ADAMTSL3: variants seen among roughly 807,000 people sequenced by gnomAD.
The protein encoded by ADAMTSL3 is ADAMTS like 3.
A neutral mutation model predicts 201.7 loss-of-function variants in ADAMTSL3; 128 were observed. That is an observed-to-expected ratio of 0.63 (90% confidence interval 0.55 to 0.73). ADAMTSL3 has a LOEUF of 0.73. Ranked by LOEUF, ADAMTSL3 falls within the 30% of genes least tolerant of loss-of-function variation. ADAMTSL3 has a pLI of 0.00. For missense variants in ADAMTSL3, 1,990 were observed against 2,119.6 expected, an observed-to-expected ratio of 0.94 and a Z score of 1.20; for synonymous variants, 738 against 748.4, an observed-to-expected ratio of 0.99 and a Z score of 0.23.
intron 17 of ADAMTSL3, among the ~76,000 whole-genome samples, chr15:83,934,763 C>T (rs1264430464): frequency 1.3e-5 from 2 of 152,048 alleles, no homozygotes; most frequent in Non-Finnish European, 2.9e-5. Context: ...AATAATTCAT[C>T]CAAAAATACC....
intron 7 of ADAMTSL3, among the ~76,000 whole-genome samples, chr15:83,842,215 A>G (rs111907675): frequency 2.6e-5 from 4 of 151,506 alleles, no homozygotes; most frequent in African/African-American, 9.7e-5. Context: ...CTCTCAGCAG[A>G]TGGATGAGGA....
At chr15:83,839,772 A>G (rs1334150379) in intron 7 of ADAMTSL3, among the ~76,000 whole-genome samples, 1 of 152,060 alleles carries the variant, frequency 6.6e-6, no homozygotes, top group Admixed American at 6.6e-5. Context: ...GAATGGCCCA[A>G]ATTTTCCATC....
intron 9 of ADAMTSL3, among the ~76,000 whole-genome samples, chr15:83,873,475 T>C (rs1431343763): frequency 6.9e-6 from 1 of 144,764 alleles, no homozygotes; most frequent in African/African-American, 2.6e-5. Context: ...AAGTACAGGC[T>C]GCAAGTAATC....
At chr15:83,685,603 A>G (rs2061525372) in intron 2 of ADAMTSL3, among the ~76,000 whole-genome samples, 1 of 152,202 alleles carries the variant, frequency 6.6e-6, no homozygotes. Flanking sequence ...TTTTCGCCCA[A>G]AGGAAAATTA....
chr15:83,970,051 C>T (rs1348506297), intron 19 of ADAMTSL3, among the ~76,000 whole-genome samples: 2 of 152,020 alleles, frequency 1.3e-5, no homozygotes, highest in Non-Finnish European at 2.9e-5. Flanking sequence ...ATGTGTAGTT[C>T]TTTGTATATC....
At chr15:83,736,020 C>T (rs1001654766) in intron 3 of ADAMTSL3, among the ~76,000 whole-genome samples, 3 of 152,084 alleles carry the variant, frequency 2.0e-5, no homozygotes, top group Non-Finnish European at 2.9e-5. Flanking sequence ...GTTGACTAAA[C>T]TTATTATACT....
chr15:83,836,320 C>T (rs939206600), intron 6 of ADAMTSL3, among the ~76,000 whole-genome samples: 1 of 152,136 alleles, frequency 6.6e-6, no homozygotes, highest in Non-Finnish European at 1.5e-5. Context: ...GTAGCTTTCA[C>T]CATTTGGAAA....
At chr15:83,946,666 G>A (rs796806024) in intron 19 of ADAMTSL3, among the ~76,000 whole-genome samples, 3 of 152,310 alleles carry the variant, frequency 2.0e-5, no homozygotes, top group African/African-American at 7.2e-5. Context: ...GTGATCTTTA[G>A]AAGAGCTCAG....
intron 3 of ADAMTSL3, among the ~76,000 whole-genome samples, chr15:83,714,850 T>TTCCCTCCC (rs369793230): frequency 2.0e-5 from 1 of 50,954 alleles, no homozygotes; most frequent in East Asian, 1.2e-3. Flanking sequence ...TTCTCTCTCT[T>TTCCCTCCC]TCCCTCCCTC....
Position 84,036,915 on chromosome 15 carries a change from G to A in ADAMTSL3, c.4897G>A (p.Val1633Met), listed in dbSNP as rs1470027983. The change falls in exon 29 of 30, where the codon GTG becomes ATG. Residue 1633 changes from valine to methionine, a missense_variant. Coordinates refer to ENST00000286744, the MANE Select transcript of ADAMTSL3 (RefSeq NM_207517.3). ...TATCCACACAAGGAGTTGCAAACCT[G>A]TGGCCAAGAGACACTGTGTACAGAA... ...DCIHTRSCKP[V>M]AKRHCVQKKK... The A allele has an allele frequency of 2.5e-6, 4 of 1,614,138 alleles. No individual in the cohort carries two copies. In the South Asian group the frequency reaches 3.3e-5, roughly 13 times the overall value.
At chr15:83,817,220 A>T (rs1187114635) in intron 5 of ADAMTSL3, among the ~76,000 whole-genome samples, 1 of 152,250 alleles carries the variant, frequency 6.6e-6, no homozygotes, top group African/African-American at 2.4e-5. Context: ...AAAGGCCAAA[A>T]GTGTAAACAA....
intron 2 of ADAMTSL3, among the ~76,000 whole-genome samples, chr15:83,666,700 G>A (rs1007126914): frequency 6.6e-6 from 1 of 152,004 alleles, no homozygotes; most frequent in Non-Finnish European, 1.5e-5. Flanking sequence ...AATTATCTGG[G>A]CGTGGTGGTG....
intron 2 of ADAMTSL3, among the ~76,000 whole-genome samples, chr15:83,674,742 T>C (rs1312243469): frequency 1.5e-5 from 2 of 134,552 alleles, no homozygotes; most frequent in Non-Finnish European, 1.5e-5. Context: ...TACACACATA[T>C]ATACATATAT....
At chr15:84,020,771 T>G (rs2141910717) in intron 25 of ADAMTSL3, among the ~76,000 whole-genome samples, 1 of 152,302 alleles carries the variant, frequency 6.6e-6, no homozygotes, top group Middle Eastern at 3.4e-3. Flanking sequence ...GGATTAAAAT[T>G]TTTAAAAAGC....
Position 83,654,459 on chromosome 15 carries a change from C to T in ADAMTSL3, c.-34+183C>T, listed in dbSNP as rs1296468809. Among the ~76,000 whole-genome samples the T allele has an allele frequency of 6.6e-6, 1 of 152,076 alleles. No homozygotes were observed. Among genetic ancestry groups the T allele is most frequent in the African/African-American group, 2.4e-5 (1 of 41,440 alleles). ...TGGGGTGCTCCTCACTGCTGGGCACCTCGGGTCGGGCGCGCTTCGTGCCGT... is the reference window on the plus strand; with the variant it reads ...TGGGGTGCTCCTCACTGCTGGGCACTTCGGGTCGGGCGCGCTTCGTGCCGT... On this transcript the variant is annotated intron_variant, in intron 1 of 29. Coordinates refer to ENST00000286744, the MANE Select transcript of ADAMTSL3 (RefSeq NM_207517.3). This position sits in a 1 kb window ranked among gnomAD's most constrained non-coding sequence, Gnocchi z 5.3.
In ADAMTSL3 at chr15:83,838,155, G is replaced by T; in HGVS notation, c.667G>T (p.Asp223Tyr). The change falls in exon 7 of 30, where the codon GAT becomes TAT. Residue 223 changes from aspartate (D) to tyrosine (Y), a missense_variant. By Grantham distance (160) the Asp-to-Tyr change is radical. Coordinates refer to ENST00000286744, the MANE Select transcript of ADAMTSL3 (RefSeq NM_207517.3). ...GGACAACTGTGGAGTCTGTGCCGGC[G>T]ATGGCTCCACCTGCAGGCTTGTACG... is the stretch of plus-strand genomic sequence containing the variant. ...KEDNCGVCAG[D>Y]GSTCRLVRGQ... 1 of 1,613,126 alleles carries T rather than the reference G, an allele frequency of 6.2e-7. No individual in the cohort carries two copies. Among genetic ancestry groups the T allele is most frequent in the South Asian group, 1.1e-5 (1 of 90,844 alleles).
intron 19 of ADAMTSL3, among the ~76,000 whole-genome samples, chr15:83,956,182 A>G (rs568042620): frequency 1.5e-4 from 23 of 152,080 alleles, no homozygotes; most frequent in African/African-American, 5.5e-4. Flanking sequence ...TTCACTTCCC[A>G]CTGTGACAGG....
intron 3 of ADAMTSL3, among the ~76,000 whole-genome samples, chr15:83,718,315 G>A (rs1009622925): frequency 6.6e-6 from 1 of 152,124 alleles, no homozygotes; most frequent in Non-Finnish European, 1.5e-5. Flanking sequence ...GGAACATTAT[G>A]TAATTAACAG....
intron 15 of ADAMTSL3, among the ~76,000 whole-genome samples, chr15:83,911,305 G>A (rs11259932): frequency 0.63 from 95,391 of 152,012 alleles, 31,019 homozygotes; most frequent in African/African-American, 0.79. Flanking sequence ...ATAGTATATA[G>A]GTATATATAG....
Sources: gnomAD v4.1 joint callset for allele counts (sites outside exome capture counted in the v4.1 genomes callset) on GRCh38, gnomAD v4.1.1 for gene constraint, Gnocchi (gnomAD v3.1) non-coding constraint, MANE v1.5 for transcripts, NCBI Gene and HGNC (gene_info 2026-07-23, HGNC 2026-07-21) for gene names.